Variants in CFAP91 observed in about 807,000 individuals in gnomAD.
CFAP91 encodes cilia and flagella associated protein 91.
CFAP91 carries 85 observed loss-of-function variants against 95.9 expected under a neutral mutation model. The observed-to-expected ratio is 0.89, with a 90% CI of 0.74 to 1.06. CFAP91 has a LOEUF of 1.06. CFAP91 is among the 50% of genes least tolerant of loss of function. CFAP91 has a pLI of 0.00. For synonymous variants in CFAP91, 335 were observed against 327.5 expected (o/e 1.02, Z -0.25); for missense variants, 962 against 943.4 (o/e 1.02, Z -0.26).
At chr3:119,732,512 A>G in intron 9 of CFAP91, 36 bp downstream of exon 9, 1 of 1,353,676 alleles carries the variant, frequency 7.4e-7, no homozygotes, top group Non-Finnish European at 1.0e-6. Context: ...CCAGTATAAG[A>G]AGGTTGTCTC....
intron 6 of CFAP91, among the ~76,000 whole-genome samples, chr3:119,721,678 A>G (rs1223279978): frequency 6.6e-6 from 1 of 152,214 alleles, no homozygotes; most frequent in Non-Finnish European, 1.5e-5. Context: ...CATTATGGCA[A>G]TAGCACCCTG....
intron 7 of CFAP91, among the ~76,000 whole-genome samples, chr3:119,728,109 CAAT>C (rs989582508): frequency 4.7e-5 from 7 of 148,106 alleles, no homozygotes; most frequent in South Asian, 2.1e-4. Context: ...GGAGCTCTGT[CAAT>C]AATAATAATA....
Position 119,747,839 on chromosome 3 carries a change from G to A in CFAP91, c.2080G>A (p.Val694Ile). The change falls in exon 16 of 18, where the codon GTT becomes ATT. Residue 694 changes from valine to isoleucine, a missense_variant. Coordinates refer to ENST00000273390, the MANE Select transcript of CFAP91 (RefSeq NM_033364.4). ...AACCTATCTTCAGTCAGAGGAGATT[G>A]TTGCTGAGTTGGTTTATAGTTTTCT... is the stretch of plus-strand genomic sequence containing the variant. ...RRTYLQSEEI[V>I]AELVYSFLIP... The A allele has an allele frequency of 6.2e-7, 1 of 1,613,526 alleles. No homozygotes were observed. The highest frequency in any genetic ancestry group is 8.5e-7 in the Non-Finnish European group (1 of 1,179,744).
At chr3:119,714,798 G>A (rs777161446) in intron 5 of CFAP91, among the ~76,000 whole-genome samples, 5 of 152,104 alleles carry the variant, frequency 3.3e-5, no homozygotes, top group Non-Finnish European at 5.9e-5. Flanking sequence ...ATATTTTGAG[G>A]CATAGAAGTT....
intron 5 of CFAP91, 63 bp from the exon 6 acceptor site, chr3:119,715,499 A>G (rs2053556643): frequency 1.5e-6 from 2 of 1,329,742 alleles, no homozygotes; most frequent in African/African-American, 2.9e-5. Flanking sequence ...TTTCTACTTG[A>G]TTATATAATA....
rs762434808 is a variant in CFAP91 at position 119,730,381 on chromosome 3, AT to A, written c.1018+5del. ...ATTCAGCGCACGCATGTATCAAGTA[AT>A]GGTGTAGTATGAACAATGAAGACGG... is the stretch of plus-strand genomic sequence containing the variant. On this transcript the variant is annotated splice_donor_5th_base_variant and intron_variant, in intron 8 of 17. Coordinates refer to ENST00000273390, the MANE Select transcript of CFAP91 (RefSeq NM_033364.4). 1 of 1,612,836 alleles carries A rather than the reference AT, an allele frequency of 6.2e-7. No individual in the cohort carries two copies. Among genetic ancestry groups the A allele is most frequent in the Non-Finnish European group, 8.5e-7 (1 of 1,179,540 alleles).
intron 6 of CFAP91, among the ~76,000 whole-genome samples, chr3:119,724,168 CAAA>C (rs60965924): frequency 7.1e-5 from 7 of 98,780 alleles, no homozygotes; most frequent in Admixed American, 1.0e-4. Context: ...GACTTCATCT[CAAA>C]AAAAAAAAAA....
chr3:119,758,956 A>G (rs527991131), intron 17 of CFAP91, among the ~76,000 whole-genome samples: 5 of 152,178 alleles, frequency 3.3e-5, no homozygotes, highest in South Asian at 2.1e-4. Context: ...ACAGAAAACT[A>G]TAGTCAATTA....
At chr3:119,747,706 T>A in intron 15 of CFAP91, 105 bp from the exon 16 acceptor site, 1 of 867,642 alleles carries the variant, frequency 1.2e-6, no homozygotes, top group Non-Finnish European at 1.7e-6. Flanking sequence ...AAGGAAAAGG[T>A]GATGGTGGGG....
At chr3:119,736,556 G>A (rs1443122800) in intron 10 of CFAP91, among the ~76,000 whole-genome samples, 1 of 152,066 alleles carries the variant, frequency 6.6e-6, no homozygotes, top group Non-Finnish European at 1.5e-5. Flanking sequence ...GATCGCAGGC[G>A]TGAGCCACCG....
At chr3:119,733,317 A>C in intron 9 of CFAP91, 47 bp from the exon 10 acceptor site, 6 of 1,587,574 alleles carry the variant, frequency 3.8e-6, no homozygotes, top group Non-Finnish European at 5.1e-6. Flanking sequence ...CTTAAAAATA[A>C]TAAACGTAAG....
chr3:119,761,018 T>C (rs2054528305), intron 17 of CFAP91, among the ~76,000 whole-genome samples: 1 of 151,390 alleles, frequency 6.6e-6, no homozygotes. Context: ...AAAGAAATAA[T>C]AAAGATTAGA....
At chr3:119,731,190 T>C (rs1006024402) in intron 8 of CFAP91, among the ~76,000 whole-genome samples, 3 of 152,216 alleles carry the variant, frequency 2.0e-5, no homozygotes, top group Admixed American at 2.0e-4. Context: ...TGAGTTGTGA[T>C]AGCACCACTG....
chr3:119,756,803 T>A (rs1188249002), intron 17 of CFAP91, among the ~76,000 whole-genome samples: 2 of 151,874 alleles, frequency 1.3e-5, no homozygotes, highest in African/African-American at 2.4e-5. Context: ...TGGGACTAAA[T>A]TTTCAAAACA....
At position 119,740,569 on chromosome 3, in the gene CFAP91, G is replaced by A; in HGVS notation, c.1554G>A (p.Lys518=). 1.2e-6 allele frequency: 2 copies of A among 1,613,406 alleles called. No homozygotes were observed. The highest frequency in any genetic ancestry group is 2.2e-5 in the East Asian group (1 of 44,880). ...TACAGATGTTTGAAGGGAAAGAAAA[G>A]CGACTGGAGTTGATCCAGGAGTTGC... is the stretch of plus-strand genomic sequence containing the variant. The part of the protein sequence containing the change: ...VQNMMFEGKE[K]RLELIQELRT... Residue 518 remains lysine (K), a synonymous_variant, in exon 13 of 18, where the codon AAG becomes AAA. Transcript: ENST00000273390.
chr3:119,710,921 T>C (rs988436074), intron 5 of CFAP91, among the ~76,000 whole-genome samples: 1 of 151,430 alleles, frequency 6.6e-6, no homozygotes, highest in Non-Finnish European at 1.5e-5. Context: ...CCTTTAAAAA[T>C]CTAATTTTTG....
rs147017671 is a variant in CFAP91 at position 119,757,382 on chromosome 3, G to A, written c.*1+6284G>A. 1.7e-3 allele frequency among the ~76,000 whole-genome samples: 261 copies of A among 152,222 alleles called. 2 individuals are homozygous for A. Among genetic ancestry groups the A allele is most frequent in the Non-Finnish European group, 2.9e-3 (194 of 68,008 alleles). On this transcript the variant is annotated intron_variant, in intron 17 of 17. Coordinates refer to ENST00000273390, the MANE Select transcript of CFAP91 (RefSeq NM_033364.4). ...TATTTGGCTGGGTGCAGTGGCTCAC[G>A]TCTGTAATCCCAGCAATTTGGGAGG... is the stretch of plus-strand genomic sequence containing the variant.
intron 5 of CFAP91, chr3:119,713,020 C>T (rs2053501472): frequency 1.3e-5 from 2 of 151,190 alleles, no homozygotes; most frequent in South Asian, 4.2e-4. Context: ...ACAGGTTGAA[C>T]TTCCAAACAG....
In CFAP91 at chr3:119,715,604, A is replaced by G. The variant is rs764184030; in HGVS notation, c.543A>G (p.Leu181=). 18 of 1,614,000 alleles carry G rather than the reference A, an allele frequency of 1.1e-5. No homozygotes were observed. In the East Asian group the frequency reaches 2.0e-4, roughly 18 times the overall value. The stretch of plus-strand genomic sequence containing the variant: ...TTCCTCCTACTTCTACTAAGCACCT[A>G]TCCATCCCTTCAAAGTCTACTGTGG... The part of the protein sequence containing the change: ...YTFPPTSTKH[L]SIPSKSTVGT... Residue 181 remains leucine, a synonymous_variant, in exon 6 of 18, where the codon CTA becomes CTG. Coordinates refer to ENST00000273390, the MANE Select transcript of CFAP91 (RefSeq NM_033364.4).
Sources: allele counts gnomAD v4.1 joint callset (sites outside exome capture counted in the v4.1 genomes callset), GRCh38; gene constraint gnomAD v4.1.1; transcripts MANE v1.5; gene names NCBI Gene and HGNC (gene_info 2026-07-23, HGNC 2026-07-21).